The following METTL2A variants were observed in gnomAD, a reference collection of about 807,000 sequenced individuals.
The protein encoded by METTL2A is tRNA N(3)-cytidine methyltransferase METTL2A.
METTL2A carries 45 observed loss-of-function variants against 49.4 expected under a neutral mutation model. That is an observed-to-expected ratio of 0.91 (90% CI 0.72 to 1.17). METTL2A has a LOEUF of 1.17. Among genes scored for constraint, METTL2A ranks in the 50% most tolerant of loss-of-function variants. The pLI is 0.00. For synonymous variants in METTL2A, 118 were observed against 167.5 expected (o/e 0.70, Z 2.28); for missense variants, 361 against 462.2 (o/e 0.78, Z 2.01).
intron 6 of METTL2A, among the ~76,000 whole-genome samples, chr17:62,441,520 C>T (rs571678572): frequency 4.5e-4 from 69 of 152,174 alleles, no homozygotes; most frequent in African/African-American, 1.3e-3. Context: ...GATCTAGGCT[C>T]ATTGCAACCT....
chr17:62,425,729 G>A (rs1200065695), intron 2 of METTL2A, among the ~76,000 whole-genome samples: 1 of 146,414 alleles, frequency 6.8e-6, no homozygotes, highest in Non-Finnish European at 1.5e-5. Flanking sequence ...GGCTGGGCGC[G>A]ATGACTCATG....
At position 62,426,482 on chromosome 17, in the gene METTL2A, A is replaced by G; in HGVS notation, c.386A>G (p.Asn129Ser). 2.5e-6 allele frequency: 4 copies of G among 1,613,998 alleles called. No individual in the cohort carries two copies. Among genetic ancestry groups the G allele is most frequent in the South Asian group, 1.1e-5 (1 of 91,062 alleles). Residue 129 changes from asparagine (N) to serine (S), a missense_variant, in exon 3 of 9, where the codon AAT (asparagine) becomes AGT (serine). This residue lies in a region of METTL2A where 150 missense variants were observed against 170.1 expected (regional missense o/e 0.88). Transcript: ENST00000311506. ...NKSEVPECRN[N>S]EDGPGLIMEE... ...AGTGAAGTACCTGAATGTAGAAACA[A>G]TGAGGATGGACCTGGTTTAATAATG...
At chr17:62,446,166 T>C (rs1191679967) in intron 7 of METTL2A, among the ~76,000 whole-genome samples, 2 of 152,234 alleles carry the variant, frequency 1.3e-5, no homozygotes, top group Non-Finnish European at 2.9e-5. Flanking sequence ...ACAGCCTTTT[T>C]TTTTGAGATG....
In METTL2A at chr17:62,449,386, C is replaced by G. The variant is rs2070790984; in HGVS notation, c.*657C>G. 4 of 452,588 alleles carry G rather than the reference C, an allele frequency of 8.8e-6. No homozygotes were observed. Among genetic ancestry groups the G allele is most frequent in the South Asian group, 1.6e-5 (1 of 64,358 alleles). The allele number at this position is 452,588 out of a possible 1,614,324, so 28.0% of individuals were successfully genotyped here. ...ACAGAGAGCATCAAAATGTGGTGTT[C>G]TTGTTAAGTAATTGATCGTGGTCTT... is the stretch of plus-strand genomic sequence containing the variant. On this transcript the variant is annotated 3_prime_UTR_variant, in exon 9 of 9. Transcript: ENST00000311506.
intron 4 of METTL2A, among the ~76,000 whole-genome samples, chr17:62,433,924 C>T (rs571730225): frequency 9.2e-5 from 14 of 151,518 alleles, no homozygotes; most frequent in Non-Finnish European, 1.3e-4. Context: ...TAGCTGGGCA[C>T]GGTGGTGCGC....
chr17:62,430,742 G>A (rs994161926), intron 4 of METTL2A, among the ~76,000 whole-genome samples: 14 of 152,028 alleles, frequency 9.2e-5, no homozygotes, highest in Admixed American at 3.9e-4. Context: ...GCAGTGATTC[G>A]ATCTCGGCTA....
At chr17:62,432,501 T>G (rs1055773688) in intron 4 of METTL2A, among the ~76,000 whole-genome samples, 11 of 152,104 alleles carry the variant, frequency 7.2e-5, no homozygotes, top group African/African-American at 2.2e-4. Context: ...AGACCCTGTC[T>G]CTACAAAAAA....
intron 6 of METTL2A, among the ~76,000 whole-genome samples, chr17:62,443,848 G>T (rs1219279796): frequency 2.6e-5 from 4 of 151,820 alleles, no homozygotes; most frequent in Admixed American, 6.6e-5. Flanking sequence ...TGCCTTGGCC[G>T]TTTTTTTGTT....
intron 6 of METTL2A, among the ~76,000 whole-genome samples, chr17:62,441,531 C>G (rs2070738484): frequency 6.6e-6 from 1 of 152,064 alleles, no homozygotes; most frequent in African/African-American, 2.4e-5. Flanking sequence ...ATTGCAACCT[C>G]CACCTCCCCG....
At chr17:62,445,885 G>T (rs1009018902) in intron 7 of METTL2A, among the ~76,000 whole-genome samples, 1 of 152,124 alleles carries the variant, frequency 6.6e-6, no homozygotes, top group East Asian at 1.9e-4. Context: ...GGCAAATGAC[G>T]GAGTAAGAAG....
chr17:62,427,475 T>C (rs1308143902), intron 3 of METTL2A, among the ~76,000 whole-genome samples: 2 of 152,220 alleles, frequency 1.3e-5, no homozygotes, highest in Non-Finnish European at 2.9e-5. Context: ...TTCACAATAA[T>C]AATATAAGCT....
At chr17:62,424,839 A>C (rs879937366) in intron 2 of METTL2A, among the ~76,000 whole-genome samples, 2 of 151,760 alleles carry the variant, frequency 1.3e-5, no homozygotes, top group Non-Finnish European at 2.9e-5. Context: ...AAAGAAAAGG[A>C]GGCCCCTGCT....
rs765241506 is a variant in METTL2A at position 62,426,655 on chromosome 17, G to A, written c.558+1G>A. 4.4e-5 allele frequency: 54 copies of A among 1,219,002 alleles called. No individual in the cohort carries two copies. The highest frequency in any genetic ancestry group is 5.8e-5 in the Non-Finnish European group (49 of 847,628). 75.5% of individuals were successfully genotyped at this position (1,219,002 alleles called of 1,614,324 possible). A position where few individuals can be genotyped will look rare whatever the true frequency, so the allele number is the denominator to read the frequency against. On this transcript the variant is annotated splice_donor_variant, in intron 3 of 8. Coordinates refer to ENST00000311506, the MANE Select transcript of METTL2A (RefSeq NM_181725.4). LOFTEE classifies it high-confidence loss of function. ...CTCAGCCACCTACCGAATACTGGAG[G>A]TAACCTTTTATTGTCTTGGTAGTGG...
In METTL2A at chr17:62,450,561, A is replaced by T. The variant is rs1208844650; in HGVS notation, c.*1832A>T. ...ACTTTTCGACCAGGCGTGGCGGCTC[A>T]TGCCTATAATCCCAGCACTTTGGGA... On this transcript the variant is annotated 3_prime_UTR_variant, in exon 9 of 9. Coordinates refer to ENST00000311506, the MANE Select transcript of METTL2A (RefSeq NM_181725.4). 1 of 152,172 alleles carries T rather than the reference A, an allele frequency of 6.6e-6. No individual in the cohort carries two copies. Among genetic ancestry groups the T allele is most frequent in the Non-Finnish European group, 1.5e-5 (1 of 68,088 alleles). 9.4% of individuals were successfully genotyped at this position (152,172 alleles called of 1,614,324 possible). A position where few individuals can be genotyped will look rare whatever the true frequency, so the allele number is the denominator to read the frequency against.
In METTL2A at chr17:62,423,935, A is replaced by C; in HGVS notation, c.33A>C (p.Ala11=). 3.1e-6 allele frequency: 5 copies of C among 1,613,662 alleles called. No individual in the cohort carries two copies. The highest frequency in any genetic ancestry group is 4.2e-6 in the Non-Finnish European group (5 of 1,179,934). MAGSYPEGAP[A]VLADKRQQFG... is the part of the protein sequence containing the mutation. Reference sequence around the variant, plus strand: ...GCTCCTACCCTGAAGGTGCACCTGCAGTCCTCGCCGATAAGAGGCAGCAGT... The same window carrying C: ...GCTCCTACCCTGAAGGTGCACCTGCCGTCCTCGCCGATAAGAGGCAGCAGT... The change falls in exon 1 of 9, where the codon GCA becomes GCC. Residue 11 remains alanine, a synonymous_variant. Transcript: ENST00000311506.
At chr17:62,428,239 G>C (rs563258066) in intron 4 of METTL2A, among the ~76,000 whole-genome samples, 1 of 152,330 alleles carries the variant, frequency 6.6e-6, no homozygotes, top group Non-Finnish European at 1.5e-5. Flanking sequence ...AGAACAGTCA[G>C]TGGCTGAGTT....
intron 7 of METTL2A, among the ~76,000 whole-genome samples, chr17:62,445,765 C>G (rs907565491): frequency 6.6e-6 from 1 of 151,314 alleles, no homozygotes; most frequent in African/African-American, 2.4e-5. Flanking sequence ...CCATTGCACT[C>G]CAGCCTGGGC....
chr17:62,432,726 T>C (rs1437080458), intron 4 of METTL2A, among the ~76,000 whole-genome samples: 3 of 151,562 alleles, frequency 2.0e-5, no homozygotes, highest in Middle Eastern at 3.2e-3. Flanking sequence ...GGCGTGAACC[T>C]GGGAGGCGGA....
Position 62,450,247 on chromosome 17 carries a change from CTTTTTTTTTTTT to C in METTL2A, c.*1536_*1547del, listed in dbSNP as rs34417908. 2.9e-4 allele frequency: 23 copies of C among 80,518 alleles called. No individual in the cohort carries two copies. Among genetic ancestry groups the C allele is most frequent in the African/African-American group, 8.1e-4 (13 of 15,978 alleles). 5.0% of individuals were successfully genotyped at this position (80,518 alleles called of 1,614,324 possible). The stretch of plus-strand genomic sequence containing the variant: ...TGTGATCATTATCAGTGTTAGATGC[CTTTTTTTTTTTT>C]TTTTTTTTTTTTTTTTTAAGGAGAC... On this transcript the variant is annotated 3_prime_UTR_variant, in exon 9 of 9. Transcript: ENST00000311506.
Sources: gnomAD v4.1 joint callset for allele counts (sites outside exome capture counted in the v4.1 genomes callset) on GRCh38, gnomAD v4.1.1 for gene constraint, gnomAD v4.1.1 regional missense constraint, MANE v1.5 for transcripts, NCBI Gene and HGNC (gene_info 2026-07-23, HGNC 2026-07-21) for gene names.